Variants in SYTL2 observed in about 807,000 individuals in gnomAD.
SYTL2 encodes the protein synaptotagmin like 2.
A neutral mutation model predicts 198.7 loss-of-function variants in SYTL2; 165 were observed. The ratio of observed to expected loss-of-function variants is 0.83; its 90% CI spans 0.73 to 0.94. The LOEUF (loss-of-function observed/expected upper bound fraction) is 0.94. SYTL2 is among the 40% of genes least tolerant of loss of function. SYTL2 has a pLI of 0.00. For missense variants in SYTL2, 2,835 were observed against 2,582.8 expected, an observed-to-expected ratio of 1.10 and a Z score of -2.12; for synonymous variants, 966 against 917.7, an observed-to-expected ratio of 1.05 and a Z score of -0.95.
intron 4 of SYTL2, among the ~76,000 whole-genome samples, chr11:85,745,000 A>T (rs2091051357): frequency 6.6e-6 from 1 of 152,170 alleles, no homozygotes; most frequent in African/African-American, 2.4e-5. Context: ...AAACCCCAAG[A>T]CTATAATATT....
intron 2 of SYTL2, among the ~76,000 whole-genome samples, chr11:85,756,372 T>A (rs2091867485): frequency 6.6e-6 from 1 of 152,204 alleles, no homozygotes. Context: ...CTCAGTGTCC[T>A]ACTTCACACC....
chr11:85,721,021 A>G (rs1342802486), intron 8 of SYTL2, 62 bp from the exon 9 acceptor site: 8 of 963,790 alleles, frequency 8.3e-6, no homozygotes, highest in South Asian at 2.9e-5. Flanking sequence ...ATCCTCTAAC[A>G]TATGGACATA....
At chr11:85,752,940 A>AAAAAC (rs1565984304) in intron 2 of SYTL2, among the ~76,000 whole-genome samples, 1 of 143,730 alleles carries the variant, frequency 7.0e-6, no homozygotes, top group African/African-American at 2.6e-5. Flanking sequence ...AAAAAAAAAA[A>AAAAAC]AAAAAAAAAA....
In SYTL2 at chr11:85,757,797, G is replaced by A. The variant is rs1263159132; in HGVS notation, c.-72C>T. The A allele has an allele frequency of 2.0e-5, 31 of 1,586,864 alleles. No individual in the cohort carries two copies. Among genetic ancestry groups the A allele is most frequent in the East Asian group, 6.7e-5 (3 of 44,628 alleles). On this transcript the variant is annotated 5_prime_UTR_variant, in exon 2 of 20. Coordinates refer to ENST00000359152, the MANE Select transcript of SYTL2 (RefSeq NM_206927.4). The stretch of plus-strand genomic sequence containing the variant: ...TTCTCAGGGCTGAACAACTAAGACT[G>A]CAACCAGGAAGATTAAAACACACAA...
intron 2 of SYTL2, among the ~76,000 whole-genome samples, chr11:85,756,125 A>T (rs773523350): frequency 6.6e-5 from 10 of 152,210 alleles, no homozygotes; most frequent in Non-Finnish European, 1.3e-4. Flanking sequence ...TGTGAAGAAC[A>T]TAAGAGGATA....
At chr11:85,791,513 A>G (rs1244893921) in intron 1 of SYTL2, among the ~76,000 whole-genome samples, 1 of 152,218 alleles carries the variant, frequency 6.6e-6, no homozygotes, top group Non-Finnish European at 1.5e-5. Context: ...TCTCATCCAT[A>G]TAATGAGGAT....
chr11:85,781,423 A>G (rs1465118949), intron 1 of SYTL2, among the ~76,000 whole-genome samples: 1 of 152,148 alleles, frequency 6.6e-6, no homozygotes, highest in Non-Finnish European at 1.5e-5. Flanking sequence ...GGGTGGGGAC[A>G]CAGCCAAACC....
chr11:85,706,586 G>C (rs1017781201), intron 15 of SYTL2, among the ~76,000 whole-genome samples: 1 of 152,176 alleles, frequency 6.6e-6, no homozygotes, highest in Non-Finnish European at 1.5e-5. Flanking sequence ...GAAATTCACA[G>C]AATTGTGAGA....
At chr11:85,698,243 A>G (rs1020586502) in intron 17 of SYTL2, among the ~76,000 whole-genome samples, 165 bp from the exon 18 acceptor site, 2 of 152,220 alleles carry the variant, frequency 1.3e-5, no homozygotes, top group Non-Finnish European at 1.5e-5. Context: ...AGTCTTCATA[A>G]TCTGGTTTTA....
intron 4 of SYTL2, among the ~76,000 whole-genome samples, chr11:85,743,053 G>C (rs1417504088): frequency 6.6e-6 from 1 of 152,182 alleles, no homozygotes; most frequent in African/African-American, 2.4e-5. Context: ...ACAACAGAAA[G>C]AAAGATGTTG....
the SYTL2 span, among the ~76,000 whole-genome samples, chr11:85,833,165 AAGAAAGAAAG>A: frequency 1.6e-5 from 2 of 128,346 alleles, no homozygotes; most frequent in Non-Finnish European, 3.2e-5. Context: ...GAAAGAAAGA[AAGAAAGAAAG>A]AAAGAAACAA....
At chr11:85,849,283 T>C in the SYTL2 span, among the ~76,000 whole-genome samples, 1 of 152,030 alleles carries the variant, frequency 6.6e-6, no homozygotes, top group Non-Finnish European at 1.5e-5. Flanking sequence ...GTGCAGAAGC[T>C]CTTTAGTTTA....
In SYTL2 at chr11:85,724,522, G is replaced by C; in HGVS notation, c.4836C>G (p.Tyr1612Ter). 1 of 1,613,836 alleles carries C rather than the reference G, an allele frequency of 6.2e-7. No individual in the cohort carries two copies. The highest frequency in any genetic ancestry group is 8.5e-7 in the Non-Finnish European group (1 of 1,179,976). ...TRFLGTVPHF[Y>*]RAASQTSEMK... ...TTTCAGAGGTCTGTGAGGCTGCCCT[G>C]TAAAAATGGGGCACTGTCCCCAAGA... Residue 1612 changes from tyrosine to a stop codon, truncating the protein, a stop_gained, in exon 8 of 20, where the codon TAC becomes TAG. Transcript: ENST00000359152. LOFTEE classifies it high-confidence loss of function.
chr11:85,804,448 G>A (rs1365104719), intron 1 of SYTL2, among the ~76,000 whole-genome samples: 1 of 152,106 alleles, frequency 6.6e-6, no homozygotes, highest in African/African-American at 2.4e-5. Context: ...AATCTCTGTT[G>A]TTGTTCTTAT....
chr11:85,812,662 A>T (rs1173672190), upstream of SYTL2, among the ~76,000 whole-genome samples: 3 of 152,174 alleles, frequency 2.0e-5, no homozygotes, highest in Non-Finnish European at 2.9e-5. Flanking sequence ...TGAAGGGGTG[A>T]CAGAAGACTG....
intron 17 of SYTL2, among the ~76,000 whole-genome samples, chr11:85,700,244 T>C (rs1264119089): frequency 6.6e-6 from 1 of 152,120 alleles, no homozygotes; most frequent in East Asian, 1.9e-4. Flanking sequence ...GGAGATCTGT[T>C]TCCCAACAGT....
chr11:85,763,562 C>T (rs2092154759), intron 1 of SYTL2, among the ~76,000 whole-genome samples: 1 of 152,172 alleles, frequency 6.6e-6, no homozygotes, highest in African/African-American at 2.4e-5. Context: ...CAGATAGCAT[C>T]TTCTGCTTTC....
chr11:85,732,735 A>C (rs1466551526), intron 7 of SYTL2, among the ~76,000 whole-genome samples: 1 of 152,178 alleles, frequency 6.6e-6, no homozygotes, highest in Admixed American at 6.5e-5. Context: ...CAGAACTTAA[A>C]GTATATATTT....
chr11:85,711,125 C>T lies in SYTL2; in HGVS notation c.5733G>A (p.Thr1911=), dbSNP rs756485985. Residue 1911 remains threonine, a synonymous_variant, in exon 13 of 20, where the codon ACG becomes ACA. Coordinates refer to ENST00000359152, the MANE Select transcript of SYTL2 (RefSeq NM_206927.4). The stretch of plus-strand genomic sequence containing the variant: ...TTTGTTTACATACAGAAGACAAGGA[C>T]GTCATGCCAGAGGAGCTGCTAAGAT... ...LTNLSSSSGM[T]SLSSVSGSVM... is the part of the protein sequence containing the mutation. The T allele has an allele frequency of 2.5e-6, 4 of 1,613,922 alleles. No individual in the cohort carries two copies. Among genetic ancestry groups the T allele is most frequent in the South Asian group, 1.1e-5 (1 of 91,060 alleles).
Sources: allele counts gnomAD v4.1 joint callset (sites outside exome capture counted in the v4.1 genomes callset), GRCh38; gene constraint gnomAD v4.1.1; transcripts MANE v1.5; gene names NCBI Gene and HGNC (gene_info 2026-07-23, HGNC 2026-07-21).